The following UBR2 variants were observed in gnomAD, a reference collection of about 807,000 sequenced individuals.
UBR2 encodes the protein E3 ubiquitin-protein ligase UBR2.
UBR2 carries 92 observed loss-of-function variants against 247.9 expected under a neutral mutation model. That is an observed-to-expected ratio of 0.37 (90% confidence interval 0.31 to 0.44). The LOEUF is 0.44. Among genes scored for constraint, UBR2 ranks in the 20% least tolerant of loss-of-function variants. UBR2 has a pLI of 1.00. For synonymous variants in UBR2, 672 were observed against 693.5 expected, an observed-to-expected ratio of 0.97 and a Z score of 0.49; for missense variants, 1,613 against 2,112.6, an observed-to-expected ratio of 0.76 and a Z score of 4.64.
At chr6:42,583,820 G>A (rs552705607) in intron 2 of UBR2, among the ~76,000 whole-genome samples, 2 of 151,556 alleles carry the variant, frequency 1.3e-5, no homozygotes, top group East Asian at 3.9e-4. Context: ...CACCGCGCCC[G>A]GCCTCTCTCT....
intron 46 of UBR2, among the ~76,000 whole-genome samples, chr6:42,690,014 A>G (rs1177404657): frequency 6.6e-6 from 1 of 152,216 alleles, no homozygotes; most frequent in Non-Finnish European, 1.5e-5. Flanking sequence ...GAGGAAGCCC[A>G]GTGTTTGAGA....
chr6:42,565,494 G>T (rs986354396), intron 1 of UBR2, among the ~76,000 whole-genome samples: 3 of 152,170 alleles, frequency 2.0e-5, no homozygotes, highest in African/African-American at 4.8e-5. Flanking sequence ...CAGGAGTAGA[G>T]GTGAAGACTT....
intron 10 of UBR2, 147 bp downstream of exon 10, chr6:42,616,237 A>T (rs1794539629): frequency 1.8e-6 from 1 of 549,188 alleles, no homozygotes; most frequent in Admixed American, 3.8e-5. Context: ...TAATCTTTTC[A>T]TTCTTTATCA....
intron 15 of UBR2, among the ~76,000 whole-genome samples, chr6:42,639,934 A>G (rs557902076): frequency 1.3e-5 from 2 of 152,286 alleles, no homozygotes; most frequent in Non-Finnish European, 2.9e-5. Flanking sequence ...AGGCTGAGGC[A>G]GGAGAATGGC....
At chr6:42,687,654 T>G (rs1167604173) in intron 44 of UBR2, among the ~76,000 whole-genome samples, 1 of 152,042 alleles carries the variant, frequency 6.6e-6, no homozygotes, top group Non-Finnish European at 1.5e-5. Flanking sequence ...GATTCTCCAG[T>G]CTCAGCCTCC....
At chr6:42,624,718 T>G (rs1795224895) in intron 11 of UBR2, among the ~76,000 whole-genome samples, 1 of 152,088 alleles carries the variant, frequency 6.6e-6, no homozygotes, top group African/African-American at 2.4e-5. Context: ...TGAGTCCACT[T>G]GTGGCTGAGG....
chr6:42,634,749 C>A (rs1315795880), intron 13 of UBR2, among the ~76,000 whole-genome samples: 2 of 152,240 alleles, frequency 1.3e-5, no homozygotes, highest in Non-Finnish European at 2.9e-5. Context: ...GCCACCATGT[C>A]TGGCCTGACT....
rs1439918859 is a variant in UBR2 at position 42,689,188 on chromosome 6, G to A, written c.5025-381G>A. Among the ~76,000 whole-genome samples the A allele has an allele frequency of 6.6e-6, 1 of 152,172 alleles. No homozygotes were observed. Among genetic ancestry groups the A allele is most frequent in the African/African-American group, 2.4e-5 (1 of 41,438 alleles). On this transcript the variant is annotated intron_variant, in intron 45 of 46. Transcript: ENST00000372901. The surrounding 1 kb of genome is among the most constrained non-coding windows in gnomAD (Gnocchi z 4.0). ...TGCTGTGTGCTGGTGACATCTCTGG[G>A]CAAGGTGTAAGCCATTTCAGGGTTT...
chr6:42,570,056 T>TAGTG (rs57292539), intron 1 of UBR2, among the ~76,000 whole-genome samples: 102,877 of 151,566 alleles, frequency 0.68, 35,502 homozygotes, highest in African/African-American at 0.81. Flanking sequence ...TAGCATATGT[T>TAGTG]AGAACTAATA....
chr6:42,586,742 A>G (rs1792304365), intron 2 of UBR2, among the ~76,000 whole-genome samples: 2 of 151,882 alleles, frequency 1.3e-5, no homozygotes, highest in Admixed American at 1.3e-4. Flanking sequence ...CTTCGTGTAA[A>G]ATAAACGAAC....
intron 24 of UBR2, 121 bp from the exon 25 acceptor site, chr6:42,652,370 T>C (rs1310829525): frequency 4.2e-6 from 5 of 1,197,218 alleles, no homozygotes; most frequent in Non-Finnish European, 5.8e-6. Context: ...GAATGTAAAA[T>C]AATAGCTTTA....
chr6:42,603,557 C>G, intron 4 of UBR2, 31 bp from the exon 5 acceptor site: 1 of 1,518,748 alleles, frequency 6.6e-7, no homozygotes, highest in Non-Finnish European at 8.7e-7. Flanking sequence ...CCCTTTTTTT[C>G]TTTTTCTTTT....
At chr6:42,686,833 C>CCTCACTTCT (rs1252739667) in intron 44 of UBR2, among the ~76,000 whole-genome samples, 6 of 151,954 alleles carry the variant, frequency 3.9e-5, no homozygotes, top group Admixed American at 6.5e-5. Flanking sequence ...CGGAGGGGCT[C>CCTCACTTCT]CTCACTTCTC....
In UBR2 at chr6:42,594,178, A is replaced by AT; in HGVS notation, c.418-6dup. 2 of 1,601,632 alleles carry AT rather than the reference A, an allele frequency of 1.2e-6. No individual in the cohort carries two copies. Among genetic ancestry groups the AT allele is most frequent in the Non-Finnish European group, 8.5e-7 (1 of 1,171,784 alleles). ...ATATTTATTGACAAGATACTTTACA[A>AT]TTTTTTTCCAAGATGACAACATCAG... On this transcript the variant is annotated splice_polypyrimidine_tract_variant and intron_variant, in intron 3 of 46. Coordinates refer to ENST00000372901, the MANE Select transcript of UBR2 (RefSeq NM_001363705.2).
At chr6:42,565,556 G>T (rs1312581120) in intron 1 of UBR2, among the ~76,000 whole-genome samples, 1 of 152,048 alleles carries the variant, frequency 6.6e-6, no homozygotes, top group Non-Finnish European at 1.5e-5. Flanking sequence ...GGTGTGTTTT[G>T]TTGTTGTTTG....
At chr6:42,656,898 C>G (rs1797468253) in intron 26 of UBR2, among the ~76,000 whole-genome samples, 1 of 151,868 alleles carries the variant, frequency 6.6e-6, no homozygotes, top group Non-Finnish European at 1.5e-5. Flanking sequence ...TTAGAATAAC[C>G]ACACAGAATA....
rs143478523 is a variant in UBR2 at position 42,587,962 on chromosome 6, C to T, written c.339-4189C>T. ...ACACCAGGTATGTGGGTTTTTTTAC[C>T]CTAAGGATTTCTCCAACTCTGAATA... On this transcript the variant is annotated intron_variant, in intron 2 of 46. Transcript: ENST00000372901. Among the ~76,000 whole-genome samples, 350 of 151,982 alleles carry T rather than the reference C, an allele frequency of 2.3e-3. 1 individual carries two copies. Among genetic ancestry groups the T allele is most frequent in the African/African-American group, 8.0e-3 (333 of 41,440 alleles).
intron 2 of UBR2, among the ~76,000 whole-genome samples, chr6:42,578,383 C>T (rs1302398388): frequency 2.0e-5 from 3 of 152,144 alleles, no homozygotes; most frequent in East Asian, 3.9e-4. Context: ...TTAGGCAAAA[C>T]TAGGCCTAAT....
rs1219363315 is a variant in UBR2 at position 42,619,434 on chromosome 6, TATATATATATATATATA to T, written c.1281+1928_1281+1944del. On this transcript the variant is annotated intron_variant, in intron 11 of 46. Coordinates refer to ENST00000372901, the MANE Select transcript of UBR2 (RefSeq NM_001363705.2). The stretch of plus-strand genomic sequence containing the variant: ...GAACATATATATATATATATATATA[TATATATATATATATATA>T]TATTTTTTTTTTTTAGTTCTCTATC... 73 of 23,224 alleles carry T rather than the reference TATATATATATATATATA, an allele frequency of 3.1e-3. 7 individuals carry two copies. In the East Asian group the frequency reaches 0.037, roughly 12 times the overall value. 1.4% of individuals were successfully genotyped at this position (23,224 alleles called of 1,614,324 possible).
Sources: gnomAD v4.1 joint callset for allele counts (sites outside exome capture counted in the v4.1 genomes callset) on GRCh38, gnomAD v4.1.1 for gene constraint, Gnocchi (gnomAD v3.1) non-coding constraint, MANE v1.5 for transcripts, NCBI Gene and HGNC (gene_info 2026-07-23, HGNC 2026-07-21) for gene names.